Variants in KAZN observed in about 807,000 individuals in gnomAD.
KAZN encodes kazrin.
A neutral mutation model predicts 87.4 loss-of-function variants in KAZN; 40 were observed. The observed-to-expected ratio is 0.46, with a 90% CI of 0.36 to 0.60. The LOEUF (loss-of-function observed/expected upper bound fraction) is 0.60, where lower values mean the gene tolerates loss of function less well. Among genes scored for constraint, KAZN ranks in the 20% least tolerant of loss-of-function variants. The pLI is 0.00. For synonymous variants in KAZN, 466 were observed against 458.3 expected (o/e 1.02, Z -0.22); for missense variants, 898 against 1,073.9 (o/e 0.84, Z 2.29).
intron 2 of KAZN, among the ~76,000 whole-genome samples, chr1:14,225,452 T>G (rs145450282): frequency 1.2e-3 from 187 of 152,290 alleles, no homozygotes; most frequent in African/African-American, 4.4e-3. Context: ...ATGGCCATAC[T>G]GCCCAAAGCA....
At chr1:13,954,120 G>C (rs941067573) in intron 1 of KAZN, among the ~76,000 whole-genome samples, 1 of 152,056 alleles carries the variant, frequency 6.6e-6, no homozygotes, top group Non-Finnish European at 1.5e-5. Context: ...GTTTAAAAAC[G>C]CACCACCCAG....
At chr1:14,267,047 C>T (rs1020741726) in intron 2 of KAZN, among the ~76,000 whole-genome samples, 3 of 144,854 alleles carry the variant, frequency 2.1e-5, no homozygotes, top group African/African-American at 7.6e-5. Context: ...CTCCCTCCAC[C>T]CCACAACAGT....
chr1:14,507,979 A>AAAT (rs1553181514), intron 2 of KAZN, among the ~76,000 whole-genome samples: 3 of 135,842 alleles, frequency 2.2e-5, no homozygotes, highest in East Asian at 2.6e-4. Context: ...AAAAATAAAT[A>AAAT]AAAAAAAAAA....
At chr1:14,882,487 G>A (rs1032590195) in intron 1 of KAZN, among the ~76,000 whole-genome samples, 5 of 152,146 alleles carry the variant, frequency 3.3e-5, no homozygotes, top group East Asian at 1.9e-4. Flanking sequence ...GAAATGATGC[G>A]TGGAAATCAC....
At chr1:15,000,713 A>G (rs1344185144) in intron 2 of KAZN, among the ~76,000 whole-genome samples, 2 of 151,924 alleles carry the variant, frequency 1.3e-5, no homozygotes, top group East Asian at 3.9e-4. Flanking sequence ...TCAGCCGTGT[A>G]TATTGTTTGT....
At chr1:14,193,685 G>C (rs984458702) in intron 2 of KAZN, among the ~76,000 whole-genome samples, 1 of 147,186 alleles carries the variant, frequency 6.8e-6, no homozygotes, top group African/African-American at 2.5e-5. Flanking sequence ...TTTTTACCAG[G>C]TATAATTCAG....
At chr1:14,137,323 A>G (rs1645128698) in intron 1 of KAZN, among the ~76,000 whole-genome samples, 1 of 152,196 alleles carries the variant, frequency 6.6e-6, no homozygotes. Flanking sequence ...AGGTGTTCCC[A>G]GGTGCGTGGG....
intron 4 of KAZN, among the ~76,000 whole-genome samples, chr1:15,052,875 C>G (rs1044741450): frequency 5.3e-5 from 8 of 152,158 alleles, no homozygotes; most frequent in Non-Finnish European, 2.9e-5. Context: ...ATGGAAGATG[C>G]CACTCCCAGG....
chr1:13,994,137 G>C (rs1639406300), intron 1 of KAZN, among the ~76,000 whole-genome samples: 2 of 152,158 alleles, frequency 1.3e-5, no homozygotes, highest in Admixed American at 6.5e-5. Context: ...ACTTTAATTT[G>C]GTTCCAGAAT....
intron 2 of KAZN, among the ~76,000 whole-genome samples, chr1:14,964,133 T>C (rs1383603171): frequency 6.6e-6 from 1 of 152,148 alleles, no homozygotes; most frequent in African/African-American, 2.4e-5. Flanking sequence ...TTATAATCCT[T>C]TGGGTATGTG....
chr1:15,085,472 C>T lies in KAZN; in HGVS notation c.1223-8708C>T, dbSNP rs142709057. Among the ~76,000 whole-genome samples the T allele has an allele frequency of 8.3e-3, 1,263 of 152,284 alleles. 20 individuals carry two copies. The highest frequency in any genetic ancestry group is 0.029 in the African/African-American group (1,205 of 41,578). ...CCTCCTGAGTAGCTGGGATTACAGG[C>T]ATCTGCCACCACGCCCAGCTAATTT... On this transcript the variant is annotated intron_variant, in intron 8 of 14. Coordinates refer to ENST00000376030, the MANE Select transcript of KAZN (RefSeq NM_201628.3).
At chr1:14,801,609 G>A (rs1395067291) in intron 1 of KAZN, among the ~76,000 whole-genome samples, 4 of 152,108 alleles carry the variant, frequency 2.6e-5, no homozygotes, top group East Asian at 1.9e-4. Context: ...GGCCTGGCCT[G>A]CTCCGACACA....
chr1:14,691,545 G>C (rs1385265374), intron 1 of KAZN, among the ~76,000 whole-genome samples: 1 of 152,112 alleles, frequency 6.6e-6, no homozygotes, highest in Non-Finnish European at 1.5e-5. Context: ...GGAGTGCAGT[G>C]GCACAATCTC....
intron 1 of KAZN, among the ~76,000 whole-genome samples, chr1:14,058,543 T>G (rs552427569): frequency 1.3e-5 from 2 of 152,328 alleles, no homozygotes; most frequent in South Asian, 4.1e-4. Context: ...GGCTATGTGC[T>G]CGATGCTGGC....
At chr1:14,449,854 T>G (rs1337598307) in intron 2 of KAZN, among the ~76,000 whole-genome samples, 2 of 152,152 alleles carry the variant, frequency 1.3e-5, no homozygotes, top group African/African-American at 4.8e-5. Flanking sequence ...TTCAAATGCA[T>G]TTGGAGAAAT....
chr1:15,082,875 G>A (rs547624828), intron 8 of KAZN, among the ~76,000 whole-genome samples: 26 of 152,090 alleles, frequency 1.7e-4, no homozygotes, highest in Admixed American at 6.5e-4. Flanking sequence ...GTATTTTTAG[G>A]AGAGACAGGG....
chr1:14,365,061 T>G (rs1240135538), intron 2 of KAZN, among the ~76,000 whole-genome samples: 1 of 151,604 alleles, frequency 6.6e-6, no homozygotes, highest in African/African-American at 2.4e-5. Flanking sequence ...TTTTTTTTTT[T>G]GTGACGGAGT....
intron 1 of KAZN, among the ~76,000 whole-genome samples, chr1:14,033,512 C>G (rs1338677039): frequency 6.6e-6 from 1 of 152,244 alleles, no homozygotes; most frequent in Non-Finnish European, 1.5e-5. Context: ...AAGTGCCAAG[C>G]TATACCCTAG....
At chr1:14,577,514 G>T (rs748991952) in intron 2 of KAZN, among the ~76,000 whole-genome samples, 32 of 152,180 alleles carry the variant, frequency 2.1e-4, no homozygotes, top group Non-Finnish European at 4.4e-4. Context: ...GGCTGTCGGG[G>T]CTGGCTTCCA....
Sources: gnomAD v4.1 joint callset for allele counts (sites outside exome capture counted in the v4.1 genomes callset) on GRCh38, gnomAD v4.1.1 for gene constraint, MANE v1.5 for transcripts, NCBI Gene and HGNC (gene_info 2026-07-23, HGNC 2026-07-21) for gene names.